NLRC5: variants seen among roughly 807,000 people sequenced by gnomAD.
NLRC5 encodes NLR family CARD domain containing 5.
In NLRC5, 114 loss-of-function variants were observed where a neutral mutation model predicts 206.9. That is an observed-to-expected ratio of 0.55 (90% CI 0.47 to 0.64). NLRC5 has a LOEUF of 0.64. Among genes scored for constraint, NLRC5 ranks in the 30% least tolerant of loss-of-function variants. NLRC5 has a pLI of 0.00. For missense variants in NLRC5, 2,008 were observed against 2,305.5 expected (o/e 0.87, Z 2.64); for synonymous variants, 952 against 962.8 (o/e 0.99, Z 0.21).
intron 1 of NLRC5, among the ~76,000 whole-genome samples, chr16:57,008,989 G>C (rs1375622585): frequency 1.3e-5 from 2 of 152,156 alleles, no homozygotes; most frequent in Non-Finnish European, 2.9e-5. Flanking sequence ...GCCATGAAGA[G>C]ATTTAAAATT....
intron 40 of NLRC5, 81 bp downstream of exon 40, chr16:57,076,983 C>A: frequency 8.2e-7 from 1 of 1,223,432 alleles, no homozygotes; most frequent in Non-Finnish European, 1.2e-6. Context: ...CCTGAGCACG[C>A]CCTTTGCTTC....
chr16:57,061,326 T>TC lies in NLRC5; in HGVS notation c.3987-120dup. 3.1e-6 allele frequency: 3 copies of TC among 953,970 alleles called. No individual in the cohort carries two copies. The Admixed American group carries it at 6.8e-5, about 22-fold the overall frequency. The allele number at this position is 953,970 out of a possible 1,614,324, so 59.1% of individuals were successfully genotyped here. A position where few individuals can be genotyped will look rare whatever the true frequency, so the allele number is the denominator to read the frequency against. On this transcript the variant is annotated intron_variant, in intron 30 of 48. Transcript: ENST00000688547. ...GCATATTTGGCCTCTCAGGCCCTGC[T>TC]CCAGGCCTTTGCCCTCAGAGGTGGG...
intron 22 of NLRC5, 62 bp from the exon 23 acceptor site, chr16:57,047,483 G>A: frequency 7.0e-7 from 1 of 1,434,832 alleles, no homozygotes; most frequent in Non-Finnish European, 9.7e-7. Flanking sequence ...TAGAGCCCCT[G>A]GGGCTAGCCA....
rs1384986635 is a variant in NLRC5 at position 57,020,689 on chromosome 16, C to T, written c.-12-12C>T. On this transcript the variant is annotated splice_polypyrimidine_tract_variant and intron_variant, in intron 2 of 48. Coordinates refer to ENST00000688547, the MANE Select transcript of NLRC5 (RefSeq NM_001384950.1). Reference sequence around the variant, plus strand: ...GTCCCCCTCAACTCACCTATCTTCCCTGTCCCTCCAGGGCTGGCTCCTCAT... The same window carrying T: ...GTCCCCCTCAACTCACCTATCTTCCTTGTCCCTCCAGGGCTGGCTCCTCAT... 2.5e-6 allele frequency: 4 copies of T among 1,601,684 alleles called. No homozygotes were observed. Among genetic ancestry groups the T allele is most frequent in the South Asian group, 2.2e-5 (2 of 90,332 alleles).
At chr16:57,063,148 T>C (rs1180966924) in intron 32 of NLRC5, among the ~76,000 whole-genome samples, 3 of 148,794 alleles carry the variant, frequency 2.0e-5, no homozygotes, top group South Asian at 2.2e-4. Flanking sequence ...GTCTCACTCT[T>C]GTCACCTGGG....
chr16:57,060,056 T>TATTATC (rs1567621906), intron 30 of NLRC5, among the ~76,000 whole-genome samples: 1 of 132,392 alleles, frequency 7.6e-6, no homozygotes, highest in African/African-American at 2.7e-5. Context: ...TTATTATTAT[T>TATTATC]ATCATTATCA....
At chr16:57,000,764 A>T (rs1204768645) in intron 1 of NLRC5, among the ~76,000 whole-genome samples, 1 of 152,194 alleles carries the variant, frequency 6.6e-6, no homozygotes, top group Admixed American at 6.5e-5. Flanking sequence ...ATGCCCTATA[A>T]GGACATCTCT....
chr16:57,045,372 C>A (rs1327584513), intron 20 of NLRC5, 76 bp from the exon 21 acceptor site: 2 of 1,477,246 alleles, frequency 1.4e-6, no homozygotes, highest in Non-Finnish European at 1.9e-6. Context: ...TTGCCCTGAC[C>A]AGTCTGGGTT....
chr16:57,035,170 T>G (rs1009437135), intron 13 of NLRC5, among the ~76,000 whole-genome samples: 1 of 152,106 alleles, frequency 6.6e-6, no homozygotes, highest in African/African-American at 2.4e-5. Context: ...CCCCTTGCCC[T>G]TCTCCCACAT....
intron 1 of NLRC5, among the ~76,000 whole-genome samples, chr16:57,009,509 C>A (rs1185196035): frequency 1.3e-5 from 2 of 151,810 alleles, no homozygotes; most frequent in Non-Finnish European, 2.9e-5. Flanking sequence ...AAGAGAATGG[C>A]GTGAACCTGG....
chr16:57,014,853 C>T (rs2059868754), intron 1 of NLRC5, among the ~76,000 whole-genome samples: 1 of 152,104 alleles, frequency 6.6e-6, no homozygotes, highest in African/African-American at 2.4e-5. Flanking sequence ...TTGCAGACGG[C>T]ACCTTCTCAT....
intron 36 of NLRC5, among the ~76,000 whole-genome samples, chr16:57,068,770 A>T (rs941424978): frequency 6.6e-6 from 1 of 152,196 alleles, no homozygotes; most frequent in African/African-American, 2.4e-5. Context: ...CCAGTTGTGG[A>T]TCCAATCCAG....
chr16:57,059,892 C>A (rs2066197295), intron 30 of NLRC5, among the ~76,000 whole-genome samples: 2 of 152,000 alleles, frequency 1.3e-5, no homozygotes, highest in African/African-American at 4.8e-5. Flanking sequence ...CTATGTGGCC[C>A]TGGACAAGTA....
At chr16:57,073,562 A>T (rs1433174207) in intron 38 of NLRC5, among the ~76,000 whole-genome samples, 3 of 152,090 alleles carry the variant, frequency 2.0e-5, no homozygotes, top group Non-Finnish European at 2.9e-5. Context: ...GCCAACCAAG[A>T]CAGTTGACCA....
intron 38 of NLRC5, among the ~76,000 whole-genome samples, chr16:57,072,685 A>C (rs1192082568): frequency 6.6e-6 from 1 of 152,198 alleles, no homozygotes; most frequent in African/African-American, 2.4e-5. Flanking sequence ...TCTGCTTTTC[A>C]TCTCTTAACT....
At chr16:57,020,179 G>C (rs1209919474) in intron 2 of NLRC5, among the ~76,000 whole-genome samples, 1 of 148,546 alleles carries the variant, frequency 6.7e-6, no homozygotes, top group Non-Finnish European at 1.5e-5. Flanking sequence ...ACCTTCCCCA[G>C]ATCACCTTCC....
chr16:57,022,833 A>C (rs944122079), intron 4 of NLRC5, among the ~76,000 whole-genome samples: 1 of 152,258 alleles, frequency 6.6e-6, no homozygotes, highest in Admixed American at 6.5e-5. Flanking sequence ...TGATTTCTAC[A>C]GAAGCATTGA....
intron 1 of NLRC5, among the ~76,000 whole-genome samples, chr16:56,991,484 C>T (rs529431895): frequency 2.0e-5 from 3 of 146,868 alleles, no homozygotes; most frequent in South Asian, 4.4e-4. Flanking sequence ...TGGGTTCAAG[C>T]GATTCTCCTG....
At chr16:57,056,361 G>T (rs187727100) in intron 27 of NLRC5, among the ~76,000 whole-genome samples, 1 of 152,066 alleles carries the variant, frequency 6.6e-6, no homozygotes, top group Non-Finnish European at 1.5e-5. Context: ...TGCAATGATA[G>T]GTCACTGCAG....
Sources: allele counts gnomAD v4.1 joint callset (sites outside exome capture counted in the v4.1 genomes callset), GRCh38; gene constraint gnomAD v4.1.1; transcripts MANE v1.5; gene names NCBI Gene and HGNC (gene_info 2026-07-23, HGNC 2026-07-21).